Variants in L3MBTL3 observed in about 807,000 individuals in gnomAD.
L3MBTL3 encodes lethal(3)malignant brain tumor-like protein 3.
A neutral mutation model predicts 102.3 loss-of-function variants in L3MBTL3; 27 were observed. The observed-to-expected ratio is 0.26, with a 90% confidence interval of 0.19 to 0.36. The LOEUF (loss-of-function observed/expected upper bound fraction) is 0.36. Among genes scored for constraint, L3MBTL3 ranks in the 10% least tolerant of loss-of-function variants. L3MBTL3 has a pLI of 1.00. For missense variants in L3MBTL3, 798 were observed against 955.3 expected (o/e 0.84, Z 2.17); for synonymous variants, 340 against 320.9 (o/e 1.06, Z -0.64).
intron 2 of L3MBTL3, among the ~76,000 whole-genome samples, chr6:130,041,936 C>G (rs1049940926): frequency 4.6e-5 from 7 of 152,042 alleles, no homozygotes; most frequent in African/African-American, 1.7e-4. Context: ...TTTCAGTGGA[C>G]AAAACTAGAA....
At chr6:130,112,716 G>A (rs551424788) in intron 19 of L3MBTL3, among the ~76,000 whole-genome samples, 5 of 127,032 alleles carry the variant, frequency 3.9e-5, no homozygotes, top group South Asian at 2.2e-4. Flanking sequence ...TATTAAGACG[G>A]TCCCACCCTG....
intron 10 of L3MBTL3, among the ~76,000 whole-genome samples, chr6:130,062,786 T>G (rs76532877): frequency 6.6e-6 from 1 of 150,760 alleles, no homozygotes; most frequent in Non-Finnish European, 1.5e-5. Flanking sequence ...TGAGTGATCT[T>G]CATTTTTTCA....
intron 13 of L3MBTL3, among the ~76,000 whole-genome samples, chr6:130,073,242 T>C (rs945293979): frequency 6.6e-6 from 1 of 152,140 alleles, no homozygotes; most frequent in Non-Finnish European, 1.5e-5. Flanking sequence ...CCCCTGACTC[T>C]ACATAAAAAT....
chr6:130,044,455 T>G (rs73614234), intron 3 of L3MBTL3, among the ~76,000 whole-genome samples: 3,021 of 152,306 alleles, frequency 0.02, 94 homozygotes, highest in African/African-American at 0.069. Context: ...AGTTAGCTTT[T>G]AACAATAGAG....
chr6:130,136,856 G>A (rs1399799027), intron 22 of L3MBTL3, among the ~76,000 whole-genome samples: 1 of 152,124 alleles, frequency 6.6e-6, no homozygotes, highest in Non-Finnish European at 1.5e-5. Context: ...GACCTCAAGT[G>A]ATCCACTGAC....
chr6:130,062,716 G>A (rs1027207226), intron 10 of L3MBTL3, among the ~76,000 whole-genome samples: 2 of 150,786 alleles, frequency 1.3e-5, no homozygotes, highest in African/African-American at 4.9e-5. Context: ...TAACCATTGG[G>A]TAGTTCTCCA....
At chr6:130,110,871 A>G (rs1785307158) in intron 19 of L3MBTL3, among the ~76,000 whole-genome samples, 2 of 152,188 alleles carry the variant, frequency 1.3e-5, no homozygotes, top group Non-Finnish European at 1.5e-5. Flanking sequence ...TGTTCCATCA[A>G]TACCTAGTTT....
chr6:130,073,120 A>T (rs1050942821), intron 13 of L3MBTL3, among the ~76,000 whole-genome samples: 4 of 152,090 alleles, frequency 2.6e-5, no homozygotes, highest in African/African-American at 9.7e-5. Context: ...TTTACTTAAA[A>T]TTGTTGGGCC....
At chr6:130,048,941 A>AAACACAC (rs1554223340) in intron 3 of L3MBTL3, among the ~76,000 whole-genome samples, 1 of 78,422 alleles carries the variant, frequency 1.3e-5, no homozygotes, top group East Asian at 4.7e-4. Context: ...TCTTAGTTAA[A>AAACACAC]ACACACACAC....
intron 10 of L3MBTL3, among the ~76,000 whole-genome samples, chr6:130,060,740 A>G (rs1476963735): frequency 6.6e-6 from 1 of 151,674 alleles, no homozygotes; most frequent in East Asian, 1.9e-4. Context: ...TCTGTATAAA[A>G]TTTTTCAGGA....
chr6:130,101,864 ACAT>A (rs1159542462), intron 18 of L3MBTL3, among the ~76,000 whole-genome samples: 1 of 152,186 alleles, frequency 6.6e-6, no homozygotes, highest in Non-Finnish European at 1.5e-5. Context: ...ATATAAAGAG[ACAT>A]CATAGTTGGG....
intron 14 of L3MBTL3, among the ~76,000 whole-genome samples, chr6:130,082,735 A>G (rs1783442799): frequency 6.6e-6 from 1 of 152,182 alleles, no homozygotes; most frequent in South Asian, 2.1e-4. Context: ...GTGCTTATTT[A>G]CTACAAGAGT....
chr6:130,132,863 A>G (rs949546837), intron 20 of L3MBTL3, among the ~76,000 whole-genome samples: 2 of 152,196 alleles, frequency 1.3e-5, no homozygotes, highest in Non-Finnish European at 2.9e-5. Flanking sequence ...AACAAGTAAA[A>G]AATTACAAAA....
At chr6:130,055,066 C>T (rs182155040) in intron 7 of L3MBTL3, 105 bp from the exon 8 acceptor site, 1 of 814,622 alleles carries the variant, frequency 1.2e-6, no homozygotes. Flanking sequence ...CAAAGTAAAA[C>T]TGAAGAAAAG....
intron 10 of L3MBTL3, among the ~76,000 whole-genome samples, chr6:130,063,863 A>G (rs1782069493): frequency 6.6e-6 from 1 of 152,158 alleles, no homozygotes. Context: ...CACAAAAGAC[A>G]CTTATTCCCA....
At position 130,133,466 on chromosome 6, in the gene L3MBTL3, C is replaced by T; in HGVS notation, c.1981C>T (p.Pro661Ser). The T allele has an allele frequency of 1.9e-6, 3 of 1,613,814 alleles. No individual in the cohort carries two copies. Among genetic ancestry groups the T allele is most frequent in the Non-Finnish European group, 2.5e-6 (3 of 1,179,878 alleles). Residue 661 changes from proline to serine, a missense_variant, in exon 21 of 23, where the codon CCC (proline) becomes TCC (serine). By Grantham distance (74) the Pro-to-Ser change is moderately conservative. Around this residue, in one of 4 missense-constraint regions of L3MBTL3, gnomAD observed 306 missense variants for 314.4 expected, o/e 0.97. Transcript: ENST00000361794. This position sits in a 1 kb window ranked among gnomAD's most constrained non-coding sequence, Gnocchi z 4.9. ...SHEARGAREE[P>S]TVQQAQRRSA... ...TCATTGACCAGGTGCCCGGGAAGAA[C>T]CCACCGTCCAGCAGGCACAGCGTCG... is the stretch of plus-strand genomic sequence containing the variant.
At chr6:130,018,946 T>C (rs1331289712) in intron 1 of L3MBTL3, among the ~76,000 whole-genome samples, 1 of 151,602 alleles carries the variant, frequency 6.6e-6, no homozygotes, top group Non-Finnish European at 1.5e-5. Flanking sequence ...GGCATCTCAC[T>C]CTGAAGTAGT....
intron 22 of L3MBTL3, among the ~76,000 whole-genome samples, chr6:130,135,966 C>A: frequency 6.6e-6 from 1 of 152,178 alleles, no homozygotes; most frequent in East Asian, 1.9e-4. Context: ...AGGCAAAGGA[C>A]AAGTATTCAG....
At chr6:130,030,280 C>T (rs967024498) in intron 2 of L3MBTL3, among the ~76,000 whole-genome samples, 1 of 152,052 alleles carries the variant, frequency 6.6e-6, no homozygotes, top group South Asian at 2.1e-4. Flanking sequence ...AGAGGATATA[C>T]CTAACCCATT....
Sources: allele counts gnomAD v4.1 joint callset (sites outside exome capture counted in the v4.1 genomes callset), GRCh38; gene constraint gnomAD v4.1.1; regional missense constraint gnomAD v4.1.1; non-coding constraint Gnocchi (gnomAD v3.1); transcripts MANE v1.5; gene names NCBI Gene and HGNC (gene_info 2026-07-23, HGNC 2026-07-21).